The following SP4 variants were observed in gnomAD, a reference collection of about 807,000 sequenced individuals.
SP4 encodes transcription factor Sp4.
SP4 carries 19 observed loss-of-function variants against 72.8 expected under a neutral mutation model. The ratio of observed to expected loss-of-function variants is 0.26; its 90% CI spans 0.18 to 0.38. The LOEUF (loss-of-function observed/expected upper bound fraction) is 0.38, where lower values mean the gene tolerates loss of function less well. Among genes scored for constraint, SP4 ranks in the 10% least tolerant of loss-of-function variants. The pLI, the probability that SP4 is intolerant of heterozygous loss-of-function variation, is 1.00. For synonymous variants in SP4, 395 were observed against 333.1 expected (o/e 1.19, Z -2.02); for missense variants, 1,008 against 926.3 (o/e 1.09, Z -1.14).
chr7:21,460,302 T>C (rs986257549), intron 3 of SP4, among the ~76,000 whole-genome samples: 3 of 152,146 alleles, frequency 2.0e-5, no homozygotes, highest in Non-Finnish European at 4.4e-5. Context: ...TTGGTGGGTT[T>C]ATGGTCTTAC....
At chr7:21,477,330 G>A in intron 4 of SP4, 23 bp downstream of exon 4, 2 of 1,524,000 alleles carry the variant, frequency 1.3e-6, no homozygotes, top group Non-Finnish European at 1.8e-6. Context: ...TTTTTCAACT[G>A]TGTCTATTTG....
At chr7:21,474,495 G>A (rs916163776) in intron 3 of SP4, among the ~76,000 whole-genome samples, 1 of 152,212 alleles carries the variant, frequency 6.6e-6, no homozygotes, top group Non-Finnish European at 1.5e-5. Context: ...TGGTACACAA[G>A]TAGTTTGAAT....
chr7:21,438,738 C>A (rs1033671504), intron 3 of SP4, among the ~76,000 whole-genome samples: 1 of 152,152 alleles, frequency 6.6e-6, no homozygotes, highest in Non-Finnish European at 1.5e-5. Flanking sequence ...ACATGCCTTT[C>A]TGAGTAGTGT....
Position 21,477,110 on chromosome 7 carries a change from C to A in SP4, c.1710C>A (p.Val570=). Reference sequence around the variant, plus strand: ...AGCAAGGACAAGATGGAGTAAAAGTCCAGCAAGCTACTATAGCTCCTGTAA... The same window carrying A: ...AGCAAGGACAAGATGGAGTAAAAGTACAGCAAGCTACTATAGCTCCTGTAA... ...GQQQGQDGVK[V]QQATIAPVTV... is the part of the protein sequence containing the mutation. Residue 570 remains valine (V), a synonymous_variant, in exon 4 of 6, where the codon GTC becomes GTA. Transcript: ENST00000222584. The A allele has an allele frequency of 6.2e-7, 1 of 1,613,836 alleles. No homozygotes were observed. Among genetic ancestry groups the A allele is most frequent in the Non-Finnish European group, 8.5e-7 (1 of 1,179,906 alleles).
At chr7:21,509,758 T>C (rs888334885) in intron 5 of SP4, among the ~76,000 whole-genome samples, 2 of 152,222 alleles carry the variant, frequency 1.3e-5, no homozygotes, top group African/African-American at 4.8e-5. Flanking sequence ...AGATTTTTTT[T>C]ATTGGTAAGT....
chr7:21,435,415 T>C (rs1453120235), intron 3 of SP4, among the ~76,000 whole-genome samples: 1 of 152,146 alleles, frequency 6.6e-6, no homozygotes, highest in Non-Finnish European at 1.5e-5. Context: ...AGAAAATAAT[T>C]AAAATTTATA....
chr7:21,505,031 C>T lies in SP4; in HGVS notation c.2108-5991C>T, dbSNP rs1337425673. Among the ~76,000 whole-genome samples, 4 of 152,214 alleles carry T rather than the reference C, an allele frequency of 2.6e-5. No homozygotes were observed. In the East Asian group the frequency reaches 5.8e-4, roughly 22 times the overall value. On this transcript the variant is annotated intron_variant, in intron 5 of 5. Coordinates refer to ENST00000222584, the MANE Select transcript of SP4 (RefSeq NM_003112.5). Reference sequence around the variant, plus strand: ...CCAGGACCGGGGCTGTAATGAGGGCCCGCTTTAGCTCTTTTACCACCTGAA... The same window carrying T: ...CCAGGACCGGGGCTGTAATGAGGGCTCGCTTTAGCTCTTTTACCACCTGAA...
intron 3 of SP4, among the ~76,000 whole-genome samples, chr7:21,434,112 G>C (rs1475414053): frequency 6.6e-6 from 1 of 152,102 alleles, no homozygotes; most frequent in Non-Finnish European, 1.5e-5. Context: ...GTACTTTCTT[G>C]GTCGGTTCAT....
At chr7:21,440,682 CTACTAAAAA>C (rs1783213194) in intron 3 of SP4, among the ~76,000 whole-genome samples, 1 of 152,048 alleles carries the variant, frequency 6.6e-6, no homozygotes, top group African/African-American at 2.4e-5. Flanking sequence ...AAACCTGTCT[CTACTAAAAA>C]TACAAAAATT....
At chr7:21,438,069 C>T in intron 3 of SP4, among the ~76,000 whole-genome samples, 1 of 150,812 alleles carries the variant, frequency 6.6e-6, no homozygotes, top group East Asian at 1.9e-4. Context: ...TATGTATATG[C>T]ACACACAAAG....
intron 3 of SP4, among the ~76,000 whole-genome samples, chr7:21,458,425 C>T (rs984228608): frequency 3.3e-5 from 5 of 152,142 alleles, no homozygotes; most frequent in African/African-American, 1.2e-4. Flanking sequence ...CTCAGGTGAT[C>T]CACCTGCCTC....
At chr7:21,467,441 TA>T (rs1784200547) in intron 3 of SP4, among the ~76,000 whole-genome samples, 1 of 152,160 alleles carries the variant, frequency 6.6e-6, no homozygotes, top group African/African-American at 2.4e-5. Flanking sequence ...GTTTTGCAGC[TA>T]TCACCACAAT....
At chr7:21,470,997 CT>C in intron 3 of SP4, 1 of 523,844 alleles carries the variant, frequency 1.9e-6, no homozygotes, top group South Asian at 1.4e-5. Context: ...GATGAATAGA[CT>C]TTTGTCAGAC....
chr7:21,488,336 C>CT (rs1784878326), intron 5 of SP4, among the ~76,000 whole-genome samples: 3 of 152,044 alleles, frequency 2.0e-5, no homozygotes, highest in African/African-American at 4.8e-5. Flanking sequence ...TATGTATGGA[C>CT]TTTAATTTTG....
At chr7:21,445,252 G>T (rs1319181467) in intron 3 of SP4, among the ~76,000 whole-genome samples, 1 of 152,058 alleles carries the variant, frequency 6.6e-6, no homozygotes. Context: ...ACCCCAAAAA[G>T]AATATACCTT....
rs533323657 is a variant in SP4, at chr7:21,513,305, A to G, written c.*2036A>G. ...GCTTTGAGATTAAAGGAAAAAAAAAATTTTTACACTGTGGTTATAAATTTC... is the reference window on the plus strand; with the variant it reads ...GCTTTGAGATTAAAGGAAAAAAAAAGTTTTTACACTGTGGTTATAAATTTC... On this transcript the variant is annotated 3_prime_UTR_variant, in exon 6 of 6. Coordinates refer to ENST00000222584, the MANE Select transcript of SP4 (RefSeq NM_003112.5). 8.5e-5 allele frequency: 13 copies of G among 152,232 alleles called. No individual in the cohort carries two copies. The highest frequency in any genetic ancestry group is 1.8e-4 in the Non-Finnish European group (12 of 67,982). The allele number at this position is 152,232 out of a possible 1,614,324, so 9.4% of individuals were successfully genotyped here.
intron 5 of SP4, among the ~76,000 whole-genome samples, chr7:21,489,392 C>G (rs1397355940): frequency 6.6e-6 from 1 of 151,970 alleles, no homozygotes; most frequent in African/African-American, 2.4e-5. Flanking sequence ...GTGATCATAG[C>G]TCACGGCAGC....
chr7:21,455,626 A>G (rs188723473), intron 3 of SP4, among the ~76,000 whole-genome samples: 75 of 152,334 alleles, frequency 4.9e-4, no homozygotes, highest in Non-Finnish European at 7.4e-4. Context: ...GGAGACACCA[A>G]TATGAACAGG....
Position 21,430,741 on chromosome 7 carries a change from C to G in SP4, c.1576C>G (p.Gln526Glu), listed in dbSNP as rs1162112082. 1 of 1,614,104 alleles carries G rather than the reference C, an allele frequency of 6.2e-7. No individual in the cohort carries two copies. Among genetic ancestry groups the G allele is most frequent in the Non-Finnish European group, 8.5e-7 (1 of 1,180,048 alleles). Reference protein sequence around the residue: ...AGAPITLNTAQLASVPNLQTV... With the variant: ...AGAPITLNTAELASVPNLQTV... ...TGCCCCAATAACTTTGAATACTGCC[C>G]AGCTTGCATCAGTGCCTAACCTTCA... The change falls in exon 3 of 6, where the codon CAG becomes GAG. Residue 526 changes from glutamine to glutamate, a missense_variant. This residue lies in a region of SP4 where 893 missense variants were observed against 743.3 expected (regional missense o/e 1.20). Coordinates refer to ENST00000222584, the MANE Select transcript of SP4 (RefSeq NM_003112.5).
Sources: allele counts gnomAD v4.1 joint callset (sites outside exome capture counted in the v4.1 genomes callset), GRCh38; gene constraint gnomAD v4.1.1; regional missense constraint gnomAD v4.1.1; transcripts MANE v1.5; gene names NCBI Gene and HGNC (gene_info 2026-07-23, HGNC 2026-07-21).